DLAT: variants seen among roughly 807,000 people sequenced by gnomAD.
The protein encoded by DLAT is dihydrolipoyllysine-residue acetyltransferase component of pyruvate dehydrogenase complex, mitochondrial.
In DLAT, 43 loss-of-function variants were observed where a neutral mutation model predicts 68.0. That is an observed-to-expected ratio of 0.63 (90% CI 0.50 to 0.81). The LOEUF is 0.81. Among genes scored for constraint, DLAT ranks in the 40% least tolerant of loss-of-function variants. DLAT has a pLI of 0.00. For missense variants in DLAT, 745 were observed against 815.4 expected (o/e 0.91, Z 1.05); for synonymous variants, 265 against 288.6 (o/e 0.92, Z 0.83).
intron 4 of DLAT, among the ~76,000 whole-genome samples, chr11:112,032,752 A>C (rs1457202941): frequency 6.6e-6 from 1 of 152,158 alleles, no homozygotes; most frequent in African/African-American, 2.4e-5. Context: ...ATTTTGTGAA[A>C]ATGAAAAACT....
At chr11:112,058,061 G>T (rs587685116) in intron 11 of DLAT, among the ~76,000 whole-genome samples, 1 of 152,102 alleles carries the variant, frequency 6.6e-6, no homozygotes, top group Non-Finnish European at 1.5e-5. Flanking sequence ...ACTGAACCTG[G>T]AATATCAAGA....
intron 11 of DLAT, among the ~76,000 whole-genome samples, chr11:112,058,635 G>GA (rs1555182847): frequency 2.0e-4 from 24 of 122,240 alleles, no homozygotes; most frequent in Admixed American, 1.1e-3. Context: ...TGGGGGGGGG[G>GA]AATCACCTTT....
At chr11:112,058,772 A>G (rs782496089) in intron 11 of DLAT, among the ~76,000 whole-genome samples, 2 of 152,148 alleles carry the variant, frequency 1.3e-5, no homozygotes, top group Middle Eastern at 3.4e-3. Flanking sequence ...GTAGTTGTAT[A>G]TATCTCAAAA....
intron 1 of DLAT, 45 bp from the exon 2 acceptor site, chr11:112,026,153 A>G (rs1861986909): frequency 7.3e-7 from 1 of 1,365,088 alleles, no homozygotes. Context: ...ACTGAGAGTT[A>G]GGTAGTCCTT....
In DLAT at chr11:112,039,295, C is replaced by A. The variant is rs1555180806; in HGVS notation, c.1027C>A (p.Pro343Thr). The change falls in exon 7 of 14, where the codon CCC (proline) becomes ACC (threonine). Residue 343 changes from proline (P) to threonine (T), a missense_variant. Pro to Thr is a conservative substitution (Grantham distance 38). Coordinates refer to ENST00000280346, the MANE Select transcript of DLAT (RefSeq NM_001931.5). ...GCCTTTAGCTCCTACACCTTCAGCACCCTGCCCAGCTACTCCTGCTGGACC... is the reference window on the plus strand; with the variant it reads ...GCCTTTAGCTCCTACACCTTCAGCAACCTGCCCAGCTACTCCTGCTGGACC... ...PQPLAPTPSA[P>T]CPATPAGPKG... The A allele has an allele frequency of 6.2e-7, 1 of 1,614,126 alleles. No individual in the cohort carries two copies. The highest frequency in any genetic ancestry group is 2.2e-5 in the East Asian group (1 of 44,870).
In DLAT at chr11:112,026,208, C is replaced by G. The variant is rs192386362; in HGVS notation, c.290C>G (p.Pro97Arg). Residue 97 changes from proline (P) to arginine (R), a missense_variant, in exon 2 of 14, where the codon CCT becomes CGT. Physicochemically the swap from Pro to Arg is moderately radical, Grantham distance 103. Transcript: ENST00000280346. ...CTTTTCCTTTTCCAGGTTCCATTGC[C>G]TTCTCTTTCCCCCACAATGCAGGCA... ...SLPPHQKVPL[P>R]SLSPTMQAGT... 5 of 1,610,472 alleles carry G rather than the reference C, an allele frequency of 3.1e-6. No homozygotes were observed. The East Asian group carries it at 6.7e-5, about 22-fold the overall frequency.
rs782317429 is a variant in DLAT, at chr11:112,025,730, C to T, written c.258C>T (p.Tyr86=). 3 of 1,613,354 alleles carry T rather than the reference C, an allele frequency of 1.9e-6. No individual in the cohort carries two copies. Among genetic ancestry groups the T allele is most frequent in the Admixed American group, 1.7e-5 (1 of 60,036 alleles). Residue 86 remains tyrosine (Y), a synonymous_variant, in exon 1 of 14, where the codon TAC becomes TAT. Coordinates refer to ENST00000280346, the MANE Select transcript of DLAT (RefSeq NM_001931.5). The part of the protein sequence containing the change: ...QLLGSPGRRY[Y]SLPPHQKVPL... ...TGGGGTCGCCCGGCCGCCGCTATTA[C>T]AGTCTTCCCCCGCATCAGAAGGTGA...
At chr11:112,034,391 AATTC>A (rs1462766109) in intron 5 of DLAT, among the ~76,000 whole-genome samples, 1 of 151,932 alleles carries the variant, frequency 6.6e-6, no homozygotes, top group Non-Finnish European at 1.5e-5. Flanking sequence ...TCTCCTTCTT[AATTC>A]ATTTTTAGGC....
intron 10 of DLAT, among the ~76,000 whole-genome samples, chr11:112,049,411 A>T (rs2137811459): frequency 6.6e-6 from 1 of 152,200 alleles, no homozygotes; most frequent in African/African-American, 2.4e-5. Flanking sequence ...CTCTTTCAAC[A>T]GTTTTTTTAT....
chr11:112,028,996 C>CT (rs1862252593), intron 4 of DLAT, 51 bp downstream of exon 4: 2 of 1,605,948 alleles, frequency 1.2e-6, no homozygotes, highest in African/African-American at 2.7e-5. Flanking sequence ...TACTTACTCA[C>CT]TTTTTTTCAT....
chr11:112,064,013 A>AT lies in DLAT; in HGVS notation c.*1480dup, dbSNP rs1311683860. ...ATGGTACACAAGTGACACTCCATAT[A>AT]TTCCACACAGACTTTTACCTTGCTG... is the stretch of plus-strand genomic sequence containing the variant. On this transcript the variant is annotated 3_prime_UTR_variant, in exon 14 of 14. Transcript: ENST00000280346. 1.5e-6 allele frequency: 1 copy of AT among 652,396 alleles called. No homozygotes were observed. The highest frequency in any genetic ancestry group is 2.5e-6 in the Non-Finnish European group (1 of 399,982). The allele number at this position is 652,396 out of a possible 1,614,324, so 40.4% of individuals were successfully genotyped here.
chr11:112,036,201 GTTTTTTTTTTTT>G (rs1167345612), intron 5 of DLAT, among the ~76,000 whole-genome samples: 38 of 36,476 alleles, frequency 1.0e-3, no homozygotes, highest in African/African-American at 3.3e-3. Context: ...GTGTGTGTGT[GTTTTTTTTTTTT>G]TTTTTTTTTT....
intron 4 of DLAT, among the ~76,000 whole-genome samples, chr11:112,033,021 G>A (rs113510684): frequency 0.025 from 3,812 of 152,166 alleles, 165 homozygotes; most frequent in African/African-American, 0.087. Flanking sequence ...CCGAGATTGC[G>A]CCATTGCTCT....
chr11:112,045,508 A>AAAC (rs1296298966), intron 9 of DLAT, among the ~76,000 whole-genome samples: 1 of 152,092 alleles, frequency 6.6e-6, no homozygotes, highest in Non-Finnish European at 1.5e-5. Flanking sequence ...CAACATAGTG[A>AAAC]AACACCCCGT....
intron 7 of DLAT, among the ~76,000 whole-genome samples, chr11:112,041,829 C>T (rs1261651537): frequency 6.6e-6 from 1 of 151,776 alleles, no homozygotes; most frequent in African/African-American, 2.4e-5. Context: ...TTGCAGTGAG[C>T]CGAGATAGTG....
chr11:112,036,238 A>G (rs1388608997), intron 5 of DLAT, among the ~76,000 whole-genome samples: 19 of 48,308 alleles, frequency 3.9e-4, no homozygotes, highest in Admixed American at 1.0e-3. Context: ...TTTGAGACGG[A>G]GTTTCGCTCT....
chr11:112,035,781 G>A (rs1275689915), intron 5 of DLAT, among the ~76,000 whole-genome samples: 9 of 121,040 alleles, frequency 7.4e-5, no homozygotes, highest in Non-Finnish European at 9.9e-5. Context: ...AGCCACCACC[G>A]CACCCAGCCT....
chr11:112,030,215 G>GA, intron 4 of DLAT: 1 of 584,850 alleles, frequency 1.7e-6, no homozygotes, highest in Non-Finnish European at 3.4e-6. Context: ...CATCTTTTCT[G>GA]AATTCTCTAG....
chr11:112,034,905 C>T (rs1343241895), intron 5 of DLAT, among the ~76,000 whole-genome samples: 3 of 151,972 alleles, frequency 2.0e-5, no homozygotes, highest in African/African-American at 7.3e-5. Flanking sequence ...TCCCGAGTAG[C>T]TGGGACTACA....
Sources: allele counts gnomAD v4.1 joint callset (sites outside exome capture counted in the v4.1 genomes callset), GRCh38; gene constraint gnomAD v4.1.1; transcripts MANE v1.5; gene names NCBI Gene and HGNC (gene_info 2026-07-23, HGNC 2026-07-21).